HSBP1L1: variants seen among roughly 807,000 people sequenced by gnomAD.
The protein encoded by HSBP1L1 is heat shock factor binding protein 1 like 1.
A neutral mutation model predicts 9.7 loss-of-function variants in HSBP1L1; 8 were observed. The ratio of observed to expected loss-of-function variants is 0.82; its 90% CI spans 0.48 to 1.48. The LOEUF (loss-of-function observed/expected upper bound fraction) is 1.48, where lower values mean the gene tolerates loss of function less well. Among genes scored for constraint, HSBP1L1 ranks in the 40% most tolerant of loss-of-function variants. The probability of loss-of-function intolerance (pLI) is 0.00; values close to 1 mark genes in which losing one functional copy is unlikely to be tolerated. For missense variants in HSBP1L1, 106 were observed against 95.8 expected (o/e 1.11, Z -0.44); for synonymous variants, 39 against 34.4 (o/e 1.13, Z -0.46).
In HSBP1L1 at chr18:79,964,728, C is replaced by A. The variant is rs1429908201; in HGVS notation, c.-8C>A. On this transcript the variant is annotated 5_prime_UTR_variant, in exon 1 of 4. Coordinates refer to ENST00000451882, the MANE Select transcript of HSBP1L1 (RefSeq NM_001136180.2). ...ACCCCCCACTGACGCCCCCGGCCAG[C>A]GGTCCACATGGACGTGCGGGGCCCT... 1 of 1,411,712 alleles carries A rather than the reference C, an allele frequency of 7.1e-7. No individual in the cohort carries two copies. The highest frequency in any genetic ancestry group is 9.2e-7 in the Non-Finnish European group (1 of 1,084,374). 87.4% of individuals were successfully genotyped at this position (1,411,712 alleles called of 1,614,324 possible). A position where few individuals can be genotyped will look rare whatever the true frequency, so the allele number is the denominator to read the frequency against.
intron 1 of HSBP1L1, 109 bp downstream of exon 1, chr18:79,964,895 G>A (rs1474430950): frequency 7.7e-6 from 4 of 521,442 alleles, no homozygotes; most frequent in African/African-American, 2.1e-5. Flanking sequence ...GTGCCCTGCG[G>A]TCTTCGTGGG....
intron 2 of HSBP1L1, among the ~76,000 whole-genome samples, chr18:79,967,147 C>CAAAAAAAAAAAAAAAAAAAAAAAAA (rs5826682): frequency 9.5e-6 from 1 of 105,196 alleles, no homozygotes; most frequent in African/African-American, 3.7e-5. Context: ...GACTCCGTCT[C>CAAAAAAAAAAAAAAAAAAAAAAAAA]AAAAAAAAAA....
rs899918673 is a variant in HSBP1L1, at chr18:79,970,800, A to G, written c.*349A>G. On this transcript the variant is annotated 3_prime_UTR_variant, in exon 4 of 4. Transcript: ENST00000451882. ...AACACATTTACAATAAATATACAAT[A>G]AACTTACAAATGTGGAATGTAATTA... is the stretch of plus-strand genomic sequence containing the variant. The G allele has an allele frequency of 3.4e-5, 8 of 233,460 alleles. No homozygotes were observed. Among genetic ancestry groups the G allele is most frequent in the Non-Finnish European group, 6.0e-5 (7 of 117,518 alleles). The allele number at this position is 233,460 out of a possible 1,614,324, so 14.5% of individuals were successfully genotyped here. A position where few individuals can be genotyped will look rare whatever the true frequency, so the allele number is the denominator to read the frequency against.
intron 1 of HSBP1L1, 105 bp from the exon 2 acceptor site, chr18:79,966,507 C>A: frequency 1.3e-6 from 1 of 751,442 alleles, no homozygotes; most frequent in Non-Finnish European, 2.2e-6. Context: ...CGCGCCATTG[C>A]ACTCCAGCCT....
Position 79,970,745 on chromosome 18 carries a change from G to A in HSBP1L1, c.*294G>A. ...CACCCAATCTGAAGTATTTTGTTAT[G>A]GCAGTCCTGGGCAGACTAATACAAT... On this transcript the variant is annotated 3_prime_UTR_variant, in exon 4 of 4. Coordinates refer to ENST00000451882, the MANE Select transcript of HSBP1L1 (RefSeq NM_001136180.2). The A allele has an allele frequency of 5.0e-6, 2 of 396,698 alleles. No homozygotes were observed. The highest frequency in any genetic ancestry group is 7.1e-5 in the Admixed American group (2 of 28,010). The allele number at this position is 396,698 out of a possible 1,614,324, so 24.6% of individuals were successfully genotyped here.
At chr18:79,966,705 C>T (rs1200243886) in intron 2 of HSBP1L1, 27 bp downstream of exon 2, 2 of 1,473,078 alleles carry the variant, frequency 1.4e-6, no homozygotes, top group Non-Finnish European at 1.9e-6. Context: ...TTAACAAATG[C>T]TGTGATTCTT....
chr18:79,965,339 C>A (rs539203459), intron 1 of HSBP1L1, among the ~76,000 whole-genome samples: 15 of 152,296 alleles, frequency 9.8e-5, no homozygotes, highest in African/African-American at 3.4e-4. Context: ...GTTGTGCAAA[C>A]CCTAACGTAA....
Position 79,968,047 on chromosome 18 carries a change from G to T in HSBP1L1, c.119-42G>T, listed in dbSNP as rs1287847231. On this transcript the variant is annotated intron_variant, in intron 2 of 3. Transcript: ENST00000451882. ...AGGACATCCTGGCTGTGCCTCGGCG[G>T]CTCTGGACTCCAGCTCTACGCAGAG... The T allele has an allele frequency of 3.1e-6, 4 of 1,300,204 alleles. No homozygotes were observed. The East Asian group carries it at 1.0e-4, about 33-fold the overall frequency. 80.5% of individuals were successfully genotyped at this position (1,300,204 alleles called of 1,614,324 possible).
rs999802010 is a variant in HSBP1L1, at chr18:79,967,948, T to C, written c.119-141T>C. 5.4e-6 allele frequency: 3 copies of C among 550,692 alleles called. No individual in the cohort carries two copies. The African/African-American group carries it at 5.7e-5, about 10-fold the overall frequency. The allele number at this position is 550,692 out of a possible 1,614,324, so 34.1% of individuals were successfully genotyped here. A position where few individuals can be genotyped will look rare whatever the true frequency, so the allele number is the denominator to read the frequency against. ...GGAAAACTCAGGGAAAGAAGCTGAT[T>C]TGCATGGACACTAGGCCTGTCGTTG... On this transcript the variant is annotated intron_variant, in intron 2 of 3. Transcript: ENST00000451882.
intron 3 of HSBP1L1, among the ~76,000 whole-genome samples, chr18:79,969,691 G>A (rs891658994): frequency 1.3e-5 from 2 of 152,268 alleles, no homozygotes; most frequent in Admixed American, 6.5e-5. Context: ...ACCTTCAGAC[G>A]TTTATTCTGA....
intron 3 of HSBP1L1, among the ~76,000 whole-genome samples, chr18:79,969,312 G>GAGGGAA (rs1239781130): frequency 2.1e-5 from 1 of 47,074 alleles, no homozygotes; most frequent in Non-Finnish European, 4.3e-5. Flanking sequence ...GAGAGAGAAA[G>GAGGGAA]GAAAGAAAGA....
chr18:79,970,504 A>ACATCGGTCCTGAGGGTGGGGC lies in HSBP1L1; in HGVS notation c.*55_*75dup. 1 of 718,242 alleles carries ACATCGGTCCTGAGGGTGGGGC rather than the reference A, an allele frequency of 1.4e-6. No individual in the cohort carries two copies. Among genetic ancestry groups the ACATCGGTCCTGAGGGTGGGGC allele is most frequent in the South Asian group, 1.5e-5 (1 of 67,592 alleles). The allele number at this position is 718,242 out of a possible 1,614,324, so 44.5% of individuals were successfully genotyped here. On this transcript the variant is annotated 3_prime_UTR_variant, in exon 4 of 4. Transcript: ENST00000451882. ...GGCCTCTACAGAAGTCATTAAGGTT[A>ACATCGGTCCTGAGGGTGGGGC]CATCGGTCCTGAGGGTGGGGCCCTC... is the stretch of plus-strand genomic sequence containing the variant.
chr18:79,966,758 T>C, intron 2 of HSBP1L1, 80 bp downstream of exon 2: 2 of 993,620 alleles, frequency 2.0e-6, no homozygotes, highest in East Asian at 2.6e-5. Flanking sequence ...TGTTGTCTGG[T>C]AGTAGTAGGT....
chr18:79,968,291 C>A (rs2145035750), intron 3 of HSBP1L1, 108 bp downstream of exon 3: 1 of 679,804 alleles, frequency 1.5e-6, no homozygotes, highest in Non-Finnish European at 2.5e-6. Context: ...TGCCTCTGTG[C>A]TGCATGAAAA....
At chr18:79,968,337 CTTTT>C (rs1568356023) in intron 3 of HSBP1L1, among the ~76,000 whole-genome samples, 154 bp downstream of exon 3, 1 of 152,114 alleles carries the variant, frequency 6.6e-6, no homozygotes, top group Non-Finnish European at 1.5e-5. Flanking sequence ...ATGCTCTCTT[CTTTT>C]TTTGAGGTGG....
intron 1 of HSBP1L1, among the ~76,000 whole-genome samples, chr18:79,965,385 C>G (rs886905261): frequency 6.6e-6 from 1 of 152,126 alleles, no homozygotes; most frequent in Non-Finnish European, 1.5e-5. Flanking sequence ...TGGCATGGTT[C>G]AGAGGTGGGG....
At chr18:79,969,319 AAG>A (rs2051277728) in intron 3 of HSBP1L1, among the ~76,000 whole-genome samples, 1 of 113,106 alleles carries the variant, frequency 8.8e-6, no homozygotes, top group African/African-American at 3.5e-5. Context: ...AAAGGAAAGA[AAG>A]AAAGAAAGAA....
rs1457741892 is a variant in HSBP1L1 at position 79,968,158 on chromosome 18, T to C, written c.188T>C (p.Ile63Thr). The C allele has an allele frequency of 5.8e-6, 9 of 1,546,144 alleles. No homozygotes were observed. In the Admixed American group the frequency reaches 9.9e-5, roughly 17 times the overall value. Residue 63 changes from isoleucine (I) to threonine (T), a missense_variant, in exon 3 of 4, where the codon ATT becomes ACT. Transcript: ENST00000451882. Reference sequence around the variant, plus strand: ...AAGGACTTAATGGTGCAAGCTGGCATTGAAAATTCTATTAAAGAACAAATG... The same window carrying C: ...AAGGACTTAATGGTGCAAGCTGGCACTGAAAATTCTATTAAAGAACAAATG... The part of the protein sequence containing the change: ...NVKDLMVQAG[I>T]ENSIKEQMLK...
At chr18:79,970,275 C>T (rs1047787776) in intron 3 of HSBP1L1, 165 bp from the exon 4 acceptor site, 1 of 600,100 alleles carries the variant, frequency 1.7e-6, no homozygotes, top group East Asian at 2.8e-5. Flanking sequence ...AGGTAGACAG[C>T]AGGTACATAA....
Sources: allele counts gnomAD v4.1 joint callset (sites outside exome capture counted in the v4.1 genomes callset), GRCh38; gene constraint gnomAD v4.1.1; transcripts MANE v1.5; gene names NCBI Gene and HGNC (gene_info 2026-07-23, HGNC 2026-07-21).